DOCK3: variants seen among roughly 807,000 people sequenced by gnomAD.
DOCK3 encodes dedicator of cytokinesis 3.
Under a neutral mutation model 265.6 loss-of-function variants are expected in DOCK3, and 60 were observed. The ratio of observed to expected loss-of-function variants is 0.23; its 90% CI spans 0.18 to 0.28. The LOEUF is 0.28. Among genes scored for constraint, DOCK3 ranks in the 10% least tolerant of loss-of-function variants. The pLI is 1.00. For missense variants in DOCK3, 1,981 were observed against 2,594.3 expected (o/e 0.76, Z 5.14); for synonymous variants, 881 against 938.0 (o/e 0.94, Z 1.11).
intron 15 of DOCK3, among the ~76,000 whole-genome samples, chr3:51,226,323 T>G (rs186720818): frequency 2.5e-3 from 377 of 152,296 alleles, no homozygotes; most frequent in Non-Finnish European, 4.4e-3. Flanking sequence ...CATGTGAGTT[T>G]TTTCTTCAGT....
chr3:50,755,844 ATTC>A (rs1344043045), intron 1 of DOCK3, among the ~76,000 whole-genome samples: 2 of 152,172 alleles, frequency 1.3e-5, no homozygotes, highest in African/African-American at 2.4e-5. Flanking sequence ...TCAGTATTTT[ATTC>A]TTTTTCTAGA....
chr3:50,870,337 C>T (rs560348396), intron 3 of DOCK3, among the ~76,000 whole-genome samples: 7 of 152,274 alleles, frequency 4.6e-5, no homozygotes, highest in African/African-American at 1.7e-4. Context: ...TATTCTGTTA[C>T]TGAATTGACA....
intron 1 of DOCK3, among the ~76,000 whole-genome samples, chr3:50,761,578 GC>G (rs2040533194): frequency 6.6e-6 from 1 of 152,144 alleles, no homozygotes; most frequent in Admixed American, 6.5e-5. Context: ...AAAAGTGCTG[GC>G]CAGGTCCTCA....
chr3:50,816,168 A>G (rs1212453818), intron 2 of DOCK3, among the ~76,000 whole-genome samples: 1 of 152,096 alleles, frequency 6.6e-6, no homozygotes, highest in Non-Finnish European at 1.5e-5. Context: ...ATGACCTTTC[A>G]TAATTTCATC....
intron 5 of DOCK3, among the ~76,000 whole-genome samples, chr3:51,013,924 TG>T (rs2079049675): frequency 6.6e-6 from 1 of 152,192 alleles, no homozygotes; most frequent in Non-Finnish European, 1.5e-5. Flanking sequence ...CAGTTCGATC[TG>T]GGATTAGCAG....
rs141564641 is a variant in DOCK3, at chr3:50,982,083, A to G, written c.315+48006A>G. Among the ~76,000 whole-genome samples the G allele has an allele frequency of 4.1e-3, 618 of 152,222 alleles. 6 individuals carry two copies. Among genetic ancestry groups the G allele is most frequent in the African/African-American group, 0.014 (580 of 41,544 alleles). The stretch of plus-strand genomic sequence containing the variant: ...AGGCTGATCTTGAACTCTTGACCTC[A>G]GGTGATCCACCTGCCTCTGCCTCCC... On this transcript the variant is annotated intron_variant, in intron 5 of 52. Coordinates refer to ENST00000266037, the MANE Select transcript of DOCK3 (RefSeq NM_004947.5).
chr3:51,249,692 A>T (rs1259546643), intron 22 of DOCK3, among the ~76,000 whole-genome samples: 3 of 121,872 alleles, frequency 2.5e-5, no homozygotes, highest in East Asian at 2.6e-4. Flanking sequence ...CCCGTCCGGG[A>T]GGTGAGGGGC....
At chr3:50,950,331 T>C (rs999871760) in intron 5 of DOCK3, among the ~76,000 whole-genome samples, 4 of 152,164 alleles carry the variant, frequency 2.6e-5, no homozygotes, top group Non-Finnish European at 4.4e-5. Context: ...CATGTTTTAT[T>C]TTGAGCTAAT....
chr3:50,814,262 A>G (rs966270485), intron 2 of DOCK3, among the ~76,000 whole-genome samples: 1 of 152,088 alleles, frequency 6.6e-6, no homozygotes, highest in Non-Finnish European at 1.5e-5. Context: ...AGAAATTAAT[A>G]TTTGTAAATT....
intron 5 of DOCK3, among the ~76,000 whole-genome samples, chr3:50,976,584 A>AGGTGT (rs1024596596): frequency 3.4e-5 from 5 of 147,776 alleles, no homozygotes; most frequent in African/African-American, 1.2e-4. Flanking sequence ...ATTTTGGAAT[A>AGGTGT]GGTGTGGTGT....
intron 10 of DOCK3, among the ~76,000 whole-genome samples, chr3:51,155,758 G>A (rs1386935681): frequency 3.3e-5 from 5 of 152,178 alleles, no homozygotes; most frequent in South Asian, 2.1e-4. Context: ...TTACGTGGAC[G>A]GCCAATACAA....
At chr3:50,768,957 G>A (rs1023306750) in intron 1 of DOCK3, among the ~76,000 whole-genome samples, 3 of 152,036 alleles carry the variant, frequency 2.0e-5, no homozygotes, top group Non-Finnish European at 2.9e-5. Context: ...ACTGGGATGA[G>A]GTAATAACTC....
intron 3 of DOCK3, among the ~76,000 whole-genome samples, chr3:50,888,726 T>A (rs2048475414): frequency 1.3e-5 from 2 of 152,156 alleles, no homozygotes; most frequent in Admixed American, 1.3e-4. Flanking sequence ...AACTATCTGA[T>A]CTTTGACAAA....
At chr3:50,985,886 C>T (rs942741209) in intron 5 of DOCK3, among the ~76,000 whole-genome samples, 5 of 151,688 alleles carry the variant, frequency 3.3e-5, no homozygotes, top group Non-Finnish European at 7.4e-5. Context: ...TGTCTCTGTA[C>T]GACAGCCATG....
At chr3:51,255,713 C>G (rs1279379553) in intron 22 of DOCK3, among the ~76,000 whole-genome samples, 1 of 143,764 alleles carries the variant, frequency 7.0e-6, no homozygotes, top group Non-Finnish European at 1.5e-5. Flanking sequence ...TCAGCTCCAT[C>G]AAGTCATTTA....
chr3:51,028,398 A>G (rs1011334249), intron 5 of DOCK3, among the ~76,000 whole-genome samples: 1 of 151,866 alleles, frequency 6.6e-6, no homozygotes, highest in African/African-American at 2.4e-5. Context: ...AATACTGTGT[A>G]ACTTTGGGAT....
intron 5 of DOCK3, among the ~76,000 whole-genome samples, chr3:51,022,955 A>G (rs577248804): frequency 2.3e-4 from 35 of 152,096 alleles, no homozygotes; most frequent in Non-Finnish European, 1.8e-4. Flanking sequence ...TCCATTGTTT[A>G]TTTTTGTGGG....
At chr3:51,039,581 T>C (rs1463483404) in intron 5 of DOCK3, among the ~76,000 whole-genome samples, 3 of 152,220 alleles carry the variant, frequency 2.0e-5, no homozygotes, top group Non-Finnish European at 1.5e-5. Flanking sequence ...ATTAGTAGTA[T>C]TGTTGATAAT....
chr3:51,064,390 T>G, intron 5 of DOCK3, 58 bp from the exon 6 acceptor site: 1 of 1,594,844 alleles, frequency 6.3e-7, no homozygotes. Flanking sequence ...TCTCTTTTTC[T>G]TTTCATTCCT....
Sources: gnomAD v4.1 joint callset for allele counts (sites outside exome capture counted in the v4.1 genomes callset) on GRCh38, gnomAD v4.1.1 for gene constraint, MANE v1.5 for transcripts, NCBI Gene and HGNC (gene_info 2026-07-23, HGNC 2026-07-21) for gene names.